MALRD1: variants seen among roughly 807,000 people sequenced by gnomAD.
The protein encoded by MALRD1 is MAM and LDL-receptor class A domain-containing protein 1.
A neutral mutation model predicts 242.1 loss-of-function variants in MALRD1; 247 were observed. The ratio of observed to expected loss-of-function variants is 1.02; its 90% CI spans 0.92 to 1.13. The LOEUF (loss-of-function observed/expected upper bound fraction) is 1.13. MALRD1 is among the 50% of genes most tolerant of loss of function. The pLI, the probability that MALRD1 is intolerant of heterozygous loss-of-function variation, is 0.00. For synonymous variants in MALRD1, 995 were observed against 866.6 expected (o/e 1.15, Z -2.60); for missense variants, 2,989 against 2,533.1 (o/e 1.18, Z -3.86).
In MALRD1 at chr10:19,186,076, GA is replaced by G. The variant is rs34318767; in HGVS notation, c.1951+10755del. ...CTTTTTCCATAGCCCTGAATACAAG[GA>G]AAAAAAGTCTGAAAATATACCTACA... On this transcript the variant is annotated intron_variant, in intron 14 of 39. Coordinates refer to ENST00000454679, the MANE Select transcript of MALRD1 (RefSeq NM_001142308.3). Among the ~76,000 whole-genome samples the G allele has an allele frequency of 8.5e-3, 1,293 of 151,992 alleles. 14 individuals are homozygous for G. The highest frequency in any genetic ancestry group is 0.03 in the African/African-American group (1,226 of 41,476).
intron 38 of MALRD1, among the ~76,000 whole-genome samples, chr10:19,726,542 G>C (rs1404028637): frequency 6.6e-6 from 1 of 152,110 alleles, no homozygotes; most frequent in Non-Finnish European, 1.5e-5. Flanking sequence ...CAGTTTGGCA[G>C]TTCCTCAAAA....
chr10:19,471,663 A>ATT (rs34743623), intron 29 of MALRD1, among the ~76,000 whole-genome samples: 254 of 138,878 alleles, frequency 1.8e-3, no homozygotes, highest in East Asian at 8.7e-3. Context: ...CCTCTGCTTA[A>ATT]TTTTTTTTTT....
chr10:19,344,205 T>C (rs570890339), intron 24 of MALRD1, among the ~76,000 whole-genome samples: 11 of 152,254 alleles, frequency 7.2e-5, no homozygotes, highest in African/African-American at 2.4e-4. Context: ...GATCATGCTT[T>C]GATATCACAT....
chr10:19,308,219 A>G (rs1416191293), intron 21 of MALRD1, among the ~76,000 whole-genome samples: 2 of 151,198 alleles, frequency 1.3e-5, no homozygotes, highest in African/African-American at 4.9e-5. Context: ...CCATCCTTCT[A>G]TTCTGCATGT....
chr10:19,712,669 A>G (rs544464531), intron 38 of MALRD1, among the ~76,000 whole-genome samples: 4 of 152,190 alleles, frequency 2.6e-5, no homozygotes, highest in Non-Finnish European at 4.4e-5. Context: ...AGAACCCAAT[A>G]AAAAATTATG....
intron 31 of MALRD1, among the ~76,000 whole-genome samples, chr10:19,500,373 G>C (rs1286365823): frequency 1.3e-5 from 2 of 152,134 alleles, no homozygotes; most frequent in Non-Finnish European, 2.9e-5. Flanking sequence ...GTATAACAAA[G>C]GTAGATATTT....
chr10:19,152,963 G>C (rs1047904921), intron 11 of MALRD1, among the ~76,000 whole-genome samples: 1 of 152,016 alleles, frequency 6.6e-6, no homozygotes, highest in East Asian at 1.9e-4. Flanking sequence ...TTGCCATTTA[G>C]AATGCTATTT....
intron 11 of MALRD1, among the ~76,000 whole-genome samples, chr10:19,146,796 A>G (rs990878770): frequency 6.6e-6 from 1 of 152,194 alleles, no homozygotes; most frequent in South Asian, 2.1e-4. Flanking sequence ...GGGCTTCTTT[A>G]TAATAAACAG....
intron 23 of MALRD1, among the ~76,000 whole-genome samples, chr10:19,330,325 T>C (rs1843308605): frequency 6.6e-6 from 1 of 151,728 alleles, no homozygotes; most frequent in Admixed American, 6.6e-5. Flanking sequence ...CACAATAGTA[T>C]AAAGACTTAC....
rs1564562534 is a variant in MALRD1, at chr10:19,323,947, AG to A, written c.3420-1del. ...TTATAATATGATAAATTCCTTTTCC[AG>A]AAATACCACTGATGGCTGGTACCTG... On this transcript the variant is annotated splice_acceptor_variant, in intron 21 of 39. Coordinates refer to ENST00000454679, the MANE Select transcript of MALRD1 (RefSeq NM_001142308.3). LOFTEE classifies it high-confidence loss of function. The A allele has an allele frequency of 6.4e-7, 1 of 1,550,530 alleles. No homozygotes were observed. Among genetic ancestry groups the A allele is most frequent in the South Asian group, 1.2e-5 (1 of 84,050 alleles).
In MALRD1 at chr10:19,146,341, C is replaced by T. The variant is rs1833725370; in HGVS notation, c.1555C>T (p.His519Tyr). The T allele has an allele frequency of 8.1e-7, 1 of 1,231,132 alleles. No individual in the cohort carries two copies. The highest frequency in any genetic ancestry group is 1.0e-6 in the Non-Finnish European group (1 of 987,590). The allele number at this position is 1,231,132 out of a possible 1,614,324, so 76.3% of individuals were successfully genotyped here. A position where few individuals can be genotyped will look rare whatever the true frequency, so the allele number is the denominator to read the frequency against. ...PAADHTANINHGSFIYLEAQR... is the reference protein window; with the variant it reads ...PAADHTANINYGSFIYLEAQR... Reference sequence around the variant, plus strand: ...AGCTGATCACACAGCAAACATAAATCATGGTAGGACATTTTCCTCTTTAAA... The same window carrying T: ...AGCTGATCACACAGCAAACATAAATTATGGTAGGACATTTTCCTCTTTAAA... Residue 519 changes from histidine to tyrosine, a missense_variant, in exon 11 of 40, where the codon CAT (histidine) becomes TAT (tyrosine). Transcript: ENST00000454679.
intron 1 of MALRD1, among the ~76,000 whole-genome samples, chr10:19,062,942 T>A (rs1221643293): frequency 2.0e-5 from 3 of 151,996 alleles, no homozygotes; most frequent in African/African-American, 7.2e-5. Flanking sequence ...ACCCAGAAGT[T>A]CAAGATTAGC....
At chr10:19,161,388 G>A (rs2131488483) in intron 12 of MALRD1, among the ~76,000 whole-genome samples, 1 of 121,878 alleles carries the variant, frequency 8.2e-6, no homozygotes, top group East Asian at 2.2e-4. Context: ...AGCATTGGGA[G>A]ATATACCTAA....
chr10:19,155,031 G>A, intron 11 of MALRD1, 44 bp from the exon 12 acceptor site: 1 of 1,084,818 alleles, frequency 9.2e-7, no homozygotes, highest in Non-Finnish European at 1.2e-6. Flanking sequence ...AGCTAAGTGT[G>A]TAAGAGAACT....
intron 19 of MALRD1, among the ~76,000 whole-genome samples, chr10:19,274,896 G>A (rs900253482): frequency 2.6e-5 from 4 of 152,094 alleles, no homozygotes; most frequent in Non-Finnish European, 5.9e-5. Context: ...AAGCTCTAAA[G>A]ATCTGTTGTA....
At chr10:19,686,092 C>T (rs950661555) in intron 36 of MALRD1, among the ~76,000 whole-genome samples, 2 of 151,942 alleles carry the variant, frequency 1.3e-5, no homozygotes, top group South Asian at 4.1e-4. Flanking sequence ...AGAGTTCCAC[C>T]GAGGGGCATA....
At chr10:19,657,589 A>G (rs557221582) in intron 36 of MALRD1, among the ~76,000 whole-genome samples, 1 of 152,116 alleles carries the variant, frequency 6.6e-6, no homozygotes, top group Non-Finnish European at 1.5e-5. Flanking sequence ...TTAGGCATAT[A>G]TATAATGGGA....
intron 13 of MALRD1, among the ~76,000 whole-genome samples, chr10:19,171,690 G>GTCTA (rs1564440615): frequency 5.7e-5 from 7 of 122,710 alleles, no homozygotes; most frequent in East Asian, 5.1e-4. Context: ...ACATATATGT[G>GTCTA]TGTATGTGTG....
intron 36 of MALRD1, among the ~76,000 whole-genome samples, chr10:19,637,680 C>A (rs1178693889): frequency 6.6e-6 from 1 of 151,452 alleles, no homozygotes; most frequent in Non-Finnish European, 1.5e-5. Context: ...TTGGTGGGCA[C>A]CTGGGGCTAA....
Sources: allele counts gnomAD v4.1 joint callset (sites outside exome capture counted in the v4.1 genomes callset), GRCh38; gene constraint gnomAD v4.1.1; transcripts MANE v1.5; gene names NCBI Gene and HGNC (gene_info 2026-07-23, HGNC 2026-07-21).